The following IGSF5 variants were observed in gnomAD, a reference collection of about 807,000 sequenced individuals.
The protein encoded by IGSF5 is immunoglobulin superfamily 5 like.
A neutral mutation model predicts 39.4 loss-of-function variants in IGSF5; 41 were observed. The observed-to-expected ratio is 1.04, with a 90% CI of 0.81 to 1.35. The LOEUF (loss-of-function observed/expected upper bound fraction) is 1.35, where lower values mean the gene tolerates loss of function less well. IGSF5 is among the 40% of genes most tolerant of loss of function. The probability of loss-of-function intolerance (pLI) is 0.00; values close to 1 mark genes in which losing one functional copy is unlikely to be tolerated. For missense variants in IGSF5, 487 were observed against 494.6 expected, an observed-to-expected ratio of 0.98 and a Z score of 0.15; for synonymous variants, 183 against 175.3, an observed-to-expected ratio of 1.04 and a Z score of -0.34.
At chr21:39,727,528 C>T in the IGSF5 span, among the ~76,000 whole-genome samples, 1 of 152,208 alleles carries the variant, frequency 6.6e-6, no homozygotes, top group Non-Finnish European at 1.5e-5. Context: ...AGAGCTCAGA[C>T]CCTGAGCGGT....
the IGSF5 span, among the ~76,000 whole-genome samples, chr21:39,719,036 G>C: frequency 6.6e-6 from 1 of 152,056 alleles, no homozygotes; most frequent in African/African-American, 2.4e-5. Flanking sequence ...GCTCCTTATT[G>C]GTCTGTTCCC....
chr21:39,755,090 C>CG (rs1430512555), intron 2 of IGSF5, among the ~76,000 whole-genome samples: 1 of 152,140 alleles, frequency 6.6e-6, no homozygotes, highest in Non-Finnish European at 1.5e-5. Context: ...ACCTGCTTGT[C>CG]GGGGACTAGA....
At position 39,756,964 on chromosome 21, in the gene IGSF5, A is replaced by G. The variant is rs192534709; in HGVS notation, c.101-8571A>G. Reference sequence around the variant, plus strand: ...ACCCCATCTATCCTGGCCTCCCTGAACTCTGACCTCACTCCTTCCACCCAC... The same window carrying G: ...ACCCCATCTATCCTGGCCTCCCTGAGCTCTGACCTCACTCCTTCCACCCAC... On this transcript the variant is annotated intron_variant, in intron 2 of 8. Transcript: ENST00000380588. Among the ~76,000 whole-genome samples, 248 of 151,588 alleles carry G rather than the reference A, an allele frequency of 1.6e-3. 1 individual carries two copies. The highest frequency in any genetic ancestry group is 6.8e-3 in the Middle Eastern group (2 of 292).
chr21:39,779,220 T>TAC lies in IGSF5; in HGVS notation c.851_852dup (p.Ile285GlnfsTer123). The TAC allele has an allele frequency of 2.5e-6, 4 of 1,614,036 alleles. No homozygotes were observed. Among genetic ancestry groups the TAC allele is most frequent in the Non-Finnish European group, 3.4e-6 (4 of 1,179,916 alleles). On this transcript the variant is annotated frameshift_variant, in exon 5 of 9. Transcript: ENST00000380588. LOFTEE classifies it high-confidence loss of function. ...TGCTTCTGACGCCGACGTGTACTCT[T>TAC]ACAATACGCTGCTGCTGCTGCCGCC...
At chr21:39,794,190 A>G (rs905349891) in intron 8 of IGSF5, among the ~76,000 whole-genome samples, 1 of 152,206 alleles carries the variant, frequency 6.6e-6, no homozygotes, top group Non-Finnish European at 1.5e-5. Context: ...ATGATTAAGG[A>G]TTATGGCCAG....
chr21:39,786,851 C>T (rs887260385), intron 5 of IGSF5, among the ~76,000 whole-genome samples: 8 of 152,044 alleles, frequency 5.3e-5, no homozygotes, highest in East Asian at 1.9e-4. Flanking sequence ...AGTAAACTAT[C>T]GCAAGAACAA....
upstream of IGSF5, among the ~76,000 whole-genome samples, chr21:39,744,322 A>G (rs532833617): frequency 2.1e-4 from 32 of 152,286 alleles, 1 homozygote; most frequent in African/African-American, 7.7e-4. Context: ...TCCCATAAAC[A>G]ACAGTTTTTA....
At chr21:39,739,783 T>TA in the IGSF5 span, among the ~76,000 whole-genome samples, 1 of 152,176 alleles carries the variant, frequency 6.6e-6, no homozygotes, top group Non-Finnish European at 1.5e-5. Flanking sequence ...CGGTAGATCT[T>TA]AGTCATGGAC....
At chr21:39,741,246 T>C (rs146760272), upstream of IGSF5, among the ~76,000 whole-genome samples, 1 of 152,344 alleles carries the variant, frequency 6.6e-6, no homozygotes, top group East Asian at 1.9e-4. Context: ...GGTATTGGCT[T>C]TCTGAGTTTC....
the IGSF5 span, among the ~76,000 whole-genome samples, chr21:39,715,256 T>C: frequency 6.6e-6 from 1 of 152,148 alleles, no homozygotes; most frequent in African/African-American, 2.4e-5. Context: ...TAGCTGGGAC[T>C]ACAGGTGCAT....
upstream of IGSF5, among the ~76,000 whole-genome samples, chr21:39,742,232 C>G (rs1023945819): frequency 3.9e-5 from 6 of 152,040 alleles, no homozygotes; most frequent in African/African-American, 1.4e-4. Context: ...GAATCTCTCT[C>G]TCTAACAAGG....
chr21:39,754,460 A>G (rs1602367429), intron 2 of IGSF5, among the ~76,000 whole-genome samples: 1 of 152,018 alleles, frequency 6.6e-6, no homozygotes, highest in Non-Finnish European at 1.5e-5. Flanking sequence ...ACTTTTGAAG[A>G]TTCCATTATC....
At chr21:39,790,299 G>C (rs1409224291) in intron 6 of IGSF5, among the ~76,000 whole-genome samples, 1 of 152,138 alleles carries the variant, frequency 6.6e-6, no homozygotes, top group East Asian at 1.9e-4. Context: ...GGGCACATAT[G>C]CAATTTATTT....
chr21:39,784,698 A>G (rs560016821), intron 5 of IGSF5, among the ~76,000 whole-genome samples: 20 of 143,950 alleles, frequency 1.4e-4, no homozygotes, highest in African/African-American at 5.1e-4. Context: ...TTGCCCCACC[A>G]GGTGTGATTC....
intron 8 of IGSF5, among the ~76,000 whole-genome samples, chr21:39,800,558 G>T (rs913733689): frequency 6.6e-6 from 1 of 152,212 alleles, no homozygotes; most frequent in Non-Finnish European, 1.5e-5. Context: ...AATTAAGAGC[G>T]TGAGCCAGAG....
At chr21:39,712,398 A>G in the IGSF5 span, among the ~76,000 whole-genome samples, 1 of 152,096 alleles carries the variant, frequency 6.6e-6, no homozygotes, top group African/African-American at 2.4e-5. Context: ...AAACCCTCGG[A>G]TAGTGATGGT....
At chr21:39,721,603 C>T in the IGSF5 span, among the ~76,000 whole-genome samples, 1 of 152,104 alleles carries the variant, frequency 6.6e-6, no homozygotes, top group African/African-American at 2.4e-5. Flanking sequence ...CAGAAACACC[C>T]TTATTAGTGT....
chr21:39,739,916 T>C, the IGSF5 span, among the ~76,000 whole-genome samples: 1 of 152,116 alleles, frequency 6.6e-6, no homozygotes, highest in Non-Finnish European at 1.5e-5. Flanking sequence ...GATACTTCTT[T>C]GGCACACTTT....
intron 2 of IGSF5, among the ~76,000 whole-genome samples, chr21:39,759,359 A>G (rs186406318): frequency 5.3e-5 from 8 of 152,304 alleles, no homozygotes; most frequent in Admixed American, 2.6e-4. Context: ...TGTTTATTAA[A>G]CATTTGTTTG....
Sources: allele counts gnomAD v4.1 joint callset (sites outside exome capture counted in the v4.1 genomes callset), GRCh38; gene constraint gnomAD v4.1.1; transcripts MANE v1.5; gene names NCBI Gene and HGNC (gene_info 2026-07-23, HGNC 2026-07-21).